The following EYS variants were observed in gnomAD, a reference collection of about 807,000 sequenced individuals.
The protein encoded by EYS is protein eyes shut homolog.
A neutral mutation model predicts 282.1 loss-of-function variants in EYS; 250 were observed. That is an observed-to-expected ratio of 0.89 (90% CI 0.80 to 0.98). The LOEUF is 0.98. EYS is among the 50% of genes least tolerant of loss of function. The pLI is 0.00. For synonymous variants in EYS, 1,355 were observed against 1,282.9 expected (o/e 1.06, Z -1.20); for missense variants, 4,016 against 3,709.0 (o/e 1.08, Z -2.15).
Position 65,519,686 on chromosome 6 carries a change from C to CTATATATATA in EYS, c.-332-23703_-332-23694dup, listed in dbSNP as rs1158150622. Among the ~76,000 whole-genome samples, 242 of 39,668 alleles carry CTATATATATA rather than the reference C, an allele frequency of 6.1e-3. 8 individuals are homozygous for CTATATATATA. Among genetic ancestry groups the CTATATATATA allele is most frequent in the Middle Eastern group, 0.022 (1 of 46 alleles). 26.0% of individuals were successfully genotyped at this position (39,668 alleles called of 152,430 possible). A position where few individuals can be genotyped will look rare whatever the true frequency, so the allele number is the denominator to read the frequency against. ...AGAACACTTGCAAAAACTATAATAA[C>CTATATATATA]TATATATATATATATATATATATTT... On this transcript the variant is annotated intron_variant, in intron 2 of 42. Transcript: ENST00000503581.
At chr6:64,191,497 G>C (rs1035737275) in intron 31 of EYS, among the ~76,000 whole-genome samples, 6 of 130,496 alleles carry the variant, frequency 4.6e-5, no homozygotes, top group Non-Finnish European at 6.3e-5. Flanking sequence ...CCCCAAAACA[G>C]TCCCCAGAGT....
intron 10 of EYS, among the ~76,000 whole-genome samples, chr6:65,336,723 A>G (rs1273228113): frequency 2.0e-5 from 3 of 148,468 alleles, no homozygotes; most frequent in Non-Finnish European, 4.4e-5. Flanking sequence ...TCTTTCACAC[A>G]TGTTTGTTTA....
At chr6:64,547,863 G>A (rs1267192343) in intron 26 of EYS, among the ~76,000 whole-genome samples, 1 of 152,240 alleles carries the variant, frequency 6.6e-6, no homozygotes, top group Admixed American at 6.5e-5. Context: ...CCCAAGCCCT[G>A]CCCTGCAAGG....
chr6:64,530,071 T>C (rs1465830218), intron 26 of EYS, among the ~76,000 whole-genome samples: 1 of 152,114 alleles, frequency 6.6e-6, no homozygotes, highest in Admixed American at 6.5e-5. Context: ...ATGTTTAATG[T>C]TGAACTAAAT....
intron 35 of EYS, among the ~76,000 whole-genome samples, chr6:63,864,729 G>C (rs1007436284): frequency 4.6e-5 from 7 of 152,140 alleles, no homozygotes; most frequent in Non-Finnish European, 8.8e-5. Context: ...AAACATCTTA[G>C]ACTCAAAGCT....
At chr6:64,624,819 G>A (rs530824064) in intron 23 of EYS, among the ~76,000 whole-genome samples, 8 of 152,214 alleles carry the variant, frequency 5.3e-5, no homozygotes, top group African/African-American at 1.7e-4. Flanking sequence ...CAGAACCCTA[G>A]GGTTTCCATA....
At chr6:65,127,189 C>T (rs1775743638) in intron 12 of EYS, among the ~76,000 whole-genome samples, 1 of 151,990 alleles carries the variant, frequency 6.6e-6, no homozygotes, top group African/African-American at 2.4e-5. Context: ...TTAAATCCTT[C>T]AGTTAGAAGA....
intron 36 of EYS, among the ~76,000 whole-genome samples, chr6:63,831,533 T>C (rs1399871797): frequency 1.3e-5 from 2 of 152,172 alleles, no homozygotes; most frequent in Non-Finnish European, 2.9e-5. Flanking sequence ...AATATATATA[T>C]GCACCCAATA....
intron 12 of EYS, among the ~76,000 whole-genome samples, chr6:65,128,948 G>A (rs1775792954): frequency 6.6e-6 from 1 of 151,904 alleles, no homozygotes; most frequent in Admixed American, 6.6e-5. Context: ...AACCAGCATG[G>A]AACTGGTACA....
intron 14 of EYS, among the ~76,000 whole-genome samples, chr6:64,967,435 C>T (rs1770137358): frequency 6.6e-6 from 1 of 151,910 alleles, no homozygotes; most frequent in African/African-American, 2.4e-5. Flanking sequence ...AGTGATTCTC[C>T]TGTCTCAGCC....
rs1391157136 is a variant in EYS at position 65,402,593 on chromosome 6, T to G, written c.1069A>C (p.Ile357Leu). 3 of 1,576,212 alleles carry G rather than the reference T, an allele frequency of 1.9e-6. No individual in the cohort carries two copies. The highest frequency in any genetic ancestry group is 2.6e-6 in the Non-Finnish European group (3 of 1,146,692). Residue 357 changes from isoleucine to leucine, a missense_variant, in exon 7 of 43, where the codon ATC becomes CTC. Physicochemically the swap from Ile to Leu is conservative, Grantham distance 5. Transcript: ENST00000503581. ...CIKISNDVMC[I>L]CSPIFTDLLC... ...AAATCTGTAAATATTGGTGAACAGA[T>G]GCACATAACATCCTAGGAAAGATTA...
chr6:64,441,700 T>G (rs935465301), intron 26 of EYS, among the ~76,000 whole-genome samples: 1 of 152,120 alleles, frequency 6.6e-6, no homozygotes, highest in African/African-American at 2.4e-5. Context: ...CTTGCAATAG[T>G]GAATGGGTCT....
In EYS at chr6:64,433,523, C is replaced by T. The variant is rs955434660; in HGVS notation, c.5927+2651G>A. On this transcript the variant is annotated intron_variant, in intron 28 of 42. Coordinates refer to ENST00000503581, the MANE Select transcript of EYS (RefSeq NM_001142800.2). Reference sequence around the variant, plus strand: ...TATTTCTATAAATTTTTTATTACTTCAAACAAACCAAAAACCTGAGAAGAA... The same window carrying T: ...TATTTCTATAAATTTTTTATTACTTTAAACAAACCAAAAACCTGAGAAGAA... 2.0e-5 allele frequency among the ~76,000 whole-genome samples: 3 copies of T among 151,856 alleles called. No homozygotes were observed. In the South Asian group the frequency reaches 6.2e-4, roughly 31 times the overall value.
At chr6:64,713,390 G>C (rs1032340525) in intron 22 of EYS, 1 of 152,064 alleles carries the variant, frequency 6.6e-6, no homozygotes, top group South Asian at 2.1e-4. Flanking sequence ...TGCTGTCAGC[G>C]TGAAAACACT....
At chr6:64,779,738 T>C (rs1411833322) in intron 22 of EYS, among the ~76,000 whole-genome samples, 1 of 152,152 alleles carries the variant, frequency 6.6e-6, no homozygotes. Flanking sequence ...AGGAGGGATA[T>C]GTTTATAGAA....
At chr6:64,023,078 A>G (rs1447204135) in intron 33 of EYS, among the ~76,000 whole-genome samples, 1 of 152,234 alleles carries the variant, frequency 6.6e-6, no homozygotes, top group East Asian at 1.9e-4. Context: ...CATTCCATAT[A>G]GTATATTTCA....
rs1295154572 is a variant in EYS, at chr6:65,217,920, T to C, written c.2023+77943A>G. Among the ~76,000 whole-genome samples the C allele has an allele frequency of 5.3e-5, 8 of 152,050 alleles. 1 individual carries two copies. Among genetic ancestry groups the C allele is most frequent in the African/African-American group, 1.9e-4 (8 of 41,430 alleles). On this transcript the variant is annotated intron_variant, in intron 12 of 42. Transcript: ENST00000503581. ...AATATTCTGACTTGCTGTGTGGAGA[T>C]TGAAGAGTAGAAGCAAGAGTAGAAG...
chr6:63,962,250 T>C (rs1343425124), intron 35 of EYS, among the ~76,000 whole-genome samples: 1 of 152,082 alleles, frequency 6.6e-6, no homozygotes, highest in Non-Finnish European at 1.5e-5. Flanking sequence ...AAAGCCAAAA[T>C]TGACAAATGG....
At chr6:65,090,146 T>A (rs926545549) in intron 12 of EYS, among the ~76,000 whole-genome samples, 1 of 151,966 alleles carries the variant, frequency 6.6e-6, no homozygotes, top group African/African-American at 2.4e-5. Context: ...CAAGATCTCA[T>A]CTTGAATTGT....
Sources: allele counts gnomAD v4.1 joint callset (sites outside exome capture counted in the v4.1 genomes callset), GRCh38; gene constraint gnomAD v4.1.1; transcripts MANE v1.5; gene names NCBI Gene and HGNC (gene_info 2026-07-23, HGNC 2026-07-21).